SLC24A3: variants seen among roughly 807,000 people sequenced by gnomAD.
The protein encoded by SLC24A3 is solute carrier family 24 member 3.
In SLC24A3, 28 loss-of-function variants were observed where a neutral mutation model predicts 75.8. That is an observed-to-expected ratio of 0.37 (90% CI 0.27 to 0.51). The LOEUF (loss-of-function observed/expected upper bound fraction) is 0.51. Among genes scored for constraint, SLC24A3 ranks in the 20% least tolerant of loss-of-function variants. The pLI, the probability that SLC24A3 is intolerant of heterozygous loss-of-function variation, is 0.94. For synonymous variants in SLC24A3, 372 were observed against 334.1 expected, an observed-to-expected ratio of 1.11 and a Z score of -1.24; for missense variants, 663 against 847.8, an observed-to-expected ratio of 0.78 and a Z score of 2.71.
chr20:19,691,874 G>A (rs1215262458), intron 12 of SLC24A3, among the ~76,000 whole-genome samples: 1 of 152,126 alleles, frequency 6.6e-6, no homozygotes, highest in Non-Finnish European at 1.5e-5. Flanking sequence ...AGAAACTGAG[G>A]TGTAGAGAGT....
chr20:19,551,560 G>A (rs1490831134), intron 3 of SLC24A3, among the ~76,000 whole-genome samples: 1 of 152,134 alleles, frequency 6.6e-6, no homozygotes, highest in African/African-American at 2.4e-5. Flanking sequence ...ATGCCTTGGT[G>A]GAGTTGCTAT....
intron 6 of SLC24A3, among the ~76,000 whole-genome samples, chr20:19,635,513 A>G (rs2122691039): frequency 6.6e-6 from 1 of 152,330 alleles, no homozygotes; most frequent in South Asian, 2.1e-4. Flanking sequence ...TAGTTATGTA[A>G]AACAACCACC....
chr20:19,377,569 G>A (rs1986106490), intron 2 of SLC24A3, among the ~76,000 whole-genome samples: 1 of 152,166 alleles, frequency 6.6e-6, no homozygotes, highest in Non-Finnish European at 1.5e-5. Context: ...TAACTTTCTT[G>A]GGCTGAAGGG....
At chr20:19,644,895 A>C (rs568537460) in intron 6 of SLC24A3, among the ~76,000 whole-genome samples, 1 of 152,316 alleles carries the variant, frequency 6.6e-6, no homozygotes, top group African/African-American at 2.4e-5. Context: ...ATGAGAAAAA[A>C]AAATACATCT....
chr20:19,358,428 A>G (rs1415295195), intron 2 of SLC24A3, among the ~76,000 whole-genome samples: 2 of 152,194 alleles, frequency 1.3e-5, no homozygotes, highest in African/African-American at 4.8e-5. Context: ...AGCAGAGGAA[A>G]TGACCCCTCT....
intron 6 of SLC24A3, among the ~76,000 whole-genome samples, chr20:19,637,966 T>A (rs548799248): frequency 1.3e-5 from 2 of 152,300 alleles, no homozygotes; most frequent in African/African-American, 2.4e-5. Context: ...TTCTTTTTTT[T>A]AAATTTTATT....
At position 19,298,893 on chromosome 20, in the gene SLC24A3, C is replaced by G. The variant is rs532652826; in HGVS notation, c.271+17806C>G. On this transcript the variant is annotated intron_variant, in intron 2 of 16. Transcript: ENST00000328041. ...CTGGGGTATTTATACACCACTTCCA[C>G]CAGTCATGGGTTGGGGGCTGTTCCC... 3.5e-4 allele frequency among the ~76,000 whole-genome samples: 54 copies of G among 152,290 alleles called. No homozygotes were observed. The South Asian group carries it at 0.011, about 30-fold the overall frequency.
chr20:19,365,740 A>G (rs544530861), intron 2 of SLC24A3, among the ~76,000 whole-genome samples: 2 of 151,352 alleles, frequency 1.3e-5, no homozygotes, highest in East Asian at 1.9e-4. Flanking sequence ...GGGTAGAGCT[A>G]CCTCCAGCCT....
intron 7 of SLC24A3, 63 bp from the exon 8 acceptor site, chr20:19,665,801 G>GTGTGTGTC: frequency 7.8e-7 from 1 of 1,280,390 alleles, no homozygotes; most frequent in Non-Finnish European, 1.1e-6. Context: ...GCGTGTGTGT[G>GTGTGTGTC]TGTGTGTGTG....
intron 6 of SLC24A3, among the ~76,000 whole-genome samples, chr20:19,630,821 A>T (rs891874327): frequency 6.6e-6 from 1 of 152,232 alleles, no homozygotes; most frequent in Non-Finnish European, 1.5e-5. Flanking sequence ...GGATGAAAAC[A>T]TACCCTAGGA....
At chr20:19,259,514 T>C (rs1342125740) in intron 1 of SLC24A3, among the ~76,000 whole-genome samples, 2 of 152,184 alleles carry the variant, frequency 1.3e-5, no homozygotes, top group Non-Finnish European at 2.9e-5. Flanking sequence ...CACCTGAAGA[T>C]TGGCGACCAG....
chr20:19,603,416 G>A (rs1026071802), intron 6 of SLC24A3, among the ~76,000 whole-genome samples: 2 of 152,180 alleles, frequency 1.3e-5, no homozygotes, highest in African/African-American at 2.4e-5. Flanking sequence ...ATGGGGGCTG[G>A]TGATGGATGT....
chr20:19,402,006 C>T (rs188319589), intron 2 of SLC24A3, among the ~76,000 whole-genome samples: 21 of 152,326 alleles, frequency 1.4e-4, no homozygotes, highest in Middle Eastern at 3.4e-3. Context: ...ATTGCTTGCC[C>T]TTAAATCCTT....
chr20:19,581,222 G>C (rs190518724), intron 4 of SLC24A3, among the ~76,000 whole-genome samples: 2 of 152,200 alleles, frequency 1.3e-5, no homozygotes, highest in Non-Finnish European at 2.9e-5. Flanking sequence ...TTCCACCTGA[G>C]AGTGGGGTCA....
At chr20:19,404,444 G>A (rs559461781) in intron 2 of SLC24A3, among the ~76,000 whole-genome samples, 25 of 152,280 alleles carry the variant, frequency 1.6e-4, no homozygotes, top group Admixed American at 6.5e-4. Context: ...AGTGAGATCC[G>A]CAGTCAGTAC....
chr20:19,404,233 G>C (rs375599121), intron 2 of SLC24A3, among the ~76,000 whole-genome samples: 1 of 152,160 alleles, frequency 6.6e-6, no homozygotes, highest in African/African-American at 2.4e-5. Flanking sequence ...GGAATATCTC[G>C]GTTAACAAAA....
At chr20:19,694,562 T>C (rs542412529) in intron 13 of SLC24A3, 2 of 152,324 alleles carry the variant, frequency 1.3e-5, no homozygotes, top group South Asian at 4.1e-4. Flanking sequence ...CACTAATGTT[T>C]TCATCTGACA....
At chr20:19,511,040 G>A (rs1442757708) in intron 2 of SLC24A3, among the ~76,000 whole-genome samples, 1 of 152,208 alleles carries the variant, frequency 6.6e-6, no homozygotes, top group Non-Finnish European at 1.5e-5. Flanking sequence ...GCAGGCGTCA[G>A]TGGACGGAGC....
intron 1 of SLC24A3, among the ~76,000 whole-genome samples, chr20:19,250,348 G>A (rs1180401407): frequency 1.3e-5 from 2 of 152,218 alleles, no homozygotes; most frequent in Non-Finnish European, 1.5e-5. Flanking sequence ...TTGGGATACA[G>A]TCCCCATCTT....
Sources: allele counts gnomAD v4.1 joint callset (sites outside exome capture counted in the v4.1 genomes callset), GRCh38; gene constraint gnomAD v4.1.1; transcripts MANE v1.5; gene names NCBI Gene and HGNC (gene_info 2026-07-23, HGNC 2026-07-21).